The following FBXL17 variants were observed in gnomAD, a reference collection of about 807,000 sequenced individuals.
FBXL17 encodes the protein F-box and leucine rich repeat protein 17.
In FBXL17, 22 loss-of-function variants were observed where a neutral mutation model predicts 66.2. The observed-to-expected ratio is 0.33, with a 90% CI of 0.24 to 0.47. FBXL17 has a LOEUF of 0.47. Ranked by LOEUF, FBXL17 falls within the 20% of genes least tolerant of loss-of-function variation. The pLI, the probability that FBXL17 is intolerant of heterozygous loss-of-function variation, is 1.00. For synonymous variants in FBXL17, 474 were observed against 400.5 expected (o/e 1.18, Z -2.19); for missense variants, 878 against 948.2 (o/e 0.93, Z 0.97).
At chr5:108,313,304 C>T (rs1174125444) in intron 4 of FBXL17, among the ~76,000 whole-genome samples, 1 of 152,050 alleles carries the variant, frequency 6.6e-6, no homozygotes, top group Admixed American at 6.6e-5. Context: ...TACATCCAAC[C>T]TTGGACACCT....
intron 6 of FBXL17, among the ~76,000 whole-genome samples, chr5:108,134,813 A>T (rs541082611): frequency 3.9e-4 from 59 of 152,314 alleles, no homozygotes; most frequent in Non-Finnish European, 3.7e-4. Flanking sequence ...TCTTCTGCAG[A>T]AATCCTCAGA....
chr5:107,890,042 G>A lies in FBXL17; in HGVS notation c.1823-8863C>T, dbSNP rs147221092. Among the ~76,000 whole-genome samples, 96 of 152,210 alleles carry A rather than the reference G, an allele frequency of 6.3e-4. 1 individual carries two copies. The East Asian group carries it at 0.01, about 16-fold the overall frequency. The stretch of plus-strand genomic sequence containing the variant: ...CCTATTAAATTTTAAAATTAAAGAT[G>A]AGGAAGAAAAAGAACCTTACAACTG... On this transcript the variant is annotated intron_variant, in intron 7 of 8. Coordinates refer to ENST00000542267, the MANE Select transcript of FBXL17 (RefSeq NM_001163315.3).
intron 8 of FBXL17, among the ~76,000 whole-genome samples, chr5:107,865,229 G>A (rs1402823171): frequency 6.6e-6 from 1 of 152,178 alleles, no homozygotes; most frequent in Non-Finnish European, 1.5e-5. Flanking sequence ...GGGTTGACAG[G>A]CAATTTGTTT....
chr5:108,269,253 C>T (rs1356031210), intron 4 of FBXL17, among the ~76,000 whole-genome samples: 8 of 151,982 alleles, frequency 5.3e-5, no homozygotes, highest in Non-Finnish European at 1.5e-5. Context: ...AGTGACTTCA[C>T]CTCAAAATAA....
intron 4 of FBXL17, among the ~76,000 whole-genome samples, chr5:108,296,358 A>G (rs1244204332): frequency 6.6e-6 from 1 of 151,952 alleles, no homozygotes; most frequent in Non-Finnish European, 1.5e-5. Context: ...ATAAAAAATC[A>G]GTGACTTTGT....
intron 6 of FBXL17, among the ~76,000 whole-genome samples, chr5:108,089,691 CTTGTTTAGTTT>C (rs1226433562): frequency 6.6e-6 from 1 of 152,174 alleles, no homozygotes; most frequent in Non-Finnish European, 1.5e-5. Context: ...CTTTTTTCCC[CTTGTTTAGTTT>C]TTGTTTTGTT....
chr5:107,926,291 ACTATTCT>A (rs895508473), intron 7 of FBXL17, among the ~76,000 whole-genome samples: 2 of 152,148 alleles, frequency 1.3e-5, no homozygotes, highest in African/African-American at 4.8e-5. Flanking sequence ...TTAACCCTAT[ACTATTCT>A]CAATGATAGA....
chr5:108,042,162 G>GGGAT (rs1156305866), intron 6 of FBXL17, among the ~76,000 whole-genome samples: 2 of 152,158 alleles, frequency 1.3e-5, no homozygotes, highest in Non-Finnish European at 2.9e-5. Context: ...CCAAAGTGCT[G>GGGAT]GGATTACAGG....
At chr5:107,984,647 T>C (rs1457298300) in intron 7 of FBXL17, among the ~76,000 whole-genome samples, 2 of 152,202 alleles carry the variant, frequency 1.3e-5, no homozygotes, top group East Asian at 3.8e-4. Flanking sequence ...CAAAGTCAAA[T>C]AAAAATTAAA....
chr5:108,311,227 A>C lies in FBXL17; in HGVS notation c.1506+37172T>G, dbSNP rs567201142. ...GCCGTTGTTACCCCGGCTAGACTGC[A>C]ATGGCGCGATCTCAGCTCACTGCAA... On this transcript the variant is annotated intron_variant, in intron 4 of 8. Coordinates refer to ENST00000542267, the MANE Select transcript of FBXL17 (RefSeq NM_001163315.3). Among the ~76,000 whole-genome samples the C allele has an allele frequency of 2.0e-5, 3 of 151,968 alleles. No individual in the cohort carries two copies. In the South Asian group the frequency reaches 6.2e-4, roughly 32 times the overall value.
At chr5:107,894,716 A>G (rs534478648) in intron 7 of FBXL17, among the ~76,000 whole-genome samples, 2 of 152,214 alleles carry the variant, frequency 1.3e-5, no homozygotes, top group Non-Finnish European at 2.9e-5. Flanking sequence ...TTTATACATA[A>G]ATCTCATTCA....
intron 4 of FBXL17, among the ~76,000 whole-genome samples, chr5:108,250,111 C>T (rs1050746230): frequency 6.6e-6 from 1 of 152,086 alleles, no homozygotes; most frequent in Non-Finnish European, 1.5e-5. Context: ...ACCATTAATG[C>T]TAACCTTGGC....
At chr5:108,300,841 C>T (rs1475043131) in intron 4 of FBXL17, among the ~76,000 whole-genome samples, 1 of 150,884 alleles carries the variant, frequency 6.6e-6, no homozygotes, top group Non-Finnish European at 1.5e-5. Flanking sequence ...CTGTTAGTTC[C>T]AAAAAACTGA....
At chr5:107,918,496 C>T (rs1750207913) in intron 7 of FBXL17, among the ~76,000 whole-genome samples, 1 of 152,144 alleles carries the variant, frequency 6.6e-6, no homozygotes, top group Non-Finnish European at 1.5e-5. Flanking sequence ...CTTGTATAAA[C>T]TCTTAGTTTA....
At chr5:108,310,052 GT>G (rs1229550158) in intron 4 of FBXL17, among the ~76,000 whole-genome samples, 2 of 152,028 alleles carry the variant, frequency 1.3e-5, no homozygotes, top group African/African-American at 2.4e-5. Flanking sequence ...AATATTTAAG[GT>G]TTTTTAAAGG....
chr5:107,888,146 C>A (rs1033516108), intron 7 of FBXL17, among the ~76,000 whole-genome samples: 1 of 151,944 alleles, frequency 6.6e-6, no homozygotes, highest in Admixed American at 6.6e-5. Context: ...TCTTTTTTTG[C>A]AATATTTTGT....
chr5:108,176,072 G>A (rs981877641), intron 6 of FBXL17, among the ~76,000 whole-genome samples: 1 of 152,082 alleles, frequency 6.6e-6, no homozygotes, highest in Non-Finnish European at 1.5e-5. Context: ...GTGGGAGATG[G>A]TATAAATTTG....
intron 5 of FBXL17, among the ~76,000 whole-genome samples, chr5:108,200,107 C>G (rs1237147726): frequency 6.6e-6 from 1 of 152,124 alleles, no homozygotes; most frequent in African/African-American, 2.4e-5. Flanking sequence ...CAAGTTGGAG[C>G]TGCAGATCAG....
At chr5:108,138,359 G>A (rs1034695180) in intron 6 of FBXL17, among the ~76,000 whole-genome samples, 1 of 152,138 alleles carries the variant, frequency 6.6e-6, no homozygotes, top group African/African-American at 2.4e-5. Context: ...TAAGCATGGA[G>A]AATTTAAAAC....
Sources: allele counts gnomAD v4.1 joint callset (sites outside exome capture counted in the v4.1 genomes callset), GRCh38; gene constraint gnomAD v4.1.1; transcripts MANE v1.5; gene names NCBI Gene and HGNC (gene_info 2026-07-23, HGNC 2026-07-21).